The following TMPRSS7 variants were observed in gnomAD, a reference collection of about 807,000 sequenced individuals.
TMPRSS7 encodes the protein transmembrane serine protease 7.
Under a neutral mutation model 95.6 loss-of-function variants are expected in TMPRSS7, and 81 were observed. That is an observed-to-expected ratio of 0.85 (90% confidence interval 0.71 to 1.02). TMPRSS7 has a LOEUF of 1.02. Among genes scored for constraint, TMPRSS7 ranks in the 50% least tolerant of loss-of-function variants. The probability of loss-of-function intolerance (pLI) is 0.00; values close to 1 mark genes in which losing one functional copy is unlikely to be tolerated. For synonymous variants in TMPRSS7, 364 were observed against 337.8 expected (o/e 1.08, Z -0.85); for missense variants, 945 against 955.2 (o/e 0.99, Z 0.14).
intron 15 of TMPRSS7, among the ~76,000 whole-genome samples, chr3:112,076,188 G>A (rs1305069733): frequency 2.0e-5 from 3 of 152,118 alleles, no homozygotes; most frequent in African/African-American, 7.2e-5. Flanking sequence ...AAATTTTGGG[G>A]CTTCCTCATT....
chr3:112,056,111 T>G (rs1345305338), intron 9 of TMPRSS7, among the ~76,000 whole-genome samples: 2 of 152,208 alleles, frequency 1.3e-5, no homozygotes, highest in Non-Finnish European at 2.9e-5. Context: ...GTCTCTTCAT[T>G]CATGACAGAG....
At chr3:112,037,814 G>A (rs902775879) in intron 1 of TMPRSS7, among the ~76,000 whole-genome samples, 7 of 152,076 alleles carry the variant, frequency 4.6e-5, no homozygotes, top group African/African-American at 1.2e-4. Flanking sequence ...TTGAAATATC[G>A]GGGGCTGGTT....
exon 4 of TMPRSS7, chr3:112,044,257 A>C: frequency 6.5e-7 from 1 of 1,549,076 alleles, no homozygotes; most frequent in African/African-American, 1.4e-5. Context: ...TTTTTCAGAT[A>C]AACCTGGTTT....
chr3:112,057,705 G>A (rs2073449013), intron 10 of TMPRSS7, among the ~76,000 whole-genome samples: 1 of 152,038 alleles, frequency 6.6e-6, no homozygotes, highest in Admixed American at 6.6e-5. Flanking sequence ...GAATTAAATA[G>A]TTTTGTTTTT....
exon 2 of TMPRSS7, chr3:112,038,195 G>A (rs1170062276): frequency 2.8e-6 from 2 of 702,800 alleles, no homozygotes; most frequent in South Asian, 1.5e-5. Flanking sequence ...CATTGGCAAA[G>A]CCAAACCCAA....
intron 13 of TMPRSS7, among the ~76,000 whole-genome samples, chr3:112,071,120 A>G (rs1324595305): frequency 6.6e-6 from 1 of 151,984 alleles, no homozygotes; most frequent in Non-Finnish European, 1.5e-5. Flanking sequence ...TTCCTTCAGG[A>G]GCTCTTGTAA....
At chr3:112,041,923 A>G in exon 3 of TMPRSS7, 2 of 1,539,638 alleles carry the variant, frequency 1.3e-6, no homozygotes, top group Non-Finnish European at 1.8e-6. Flanking sequence ...TTTACAGGTA[A>G]AACAGAAAGC....
At chr3:112,056,191 A>G (rs1379180378) in intron 9 of TMPRSS7, among the ~76,000 whole-genome samples, 1 of 152,240 alleles carries the variant, frequency 6.6e-6, no homozygotes, top group East Asian at 1.9e-4. Context: ...GTTTCATATT[A>G]TAGATATGCA....
intron 9 of TMPRSS7, among the ~76,000 whole-genome samples, chr3:112,052,059 G>A (rs1373291510): frequency 2.0e-5 from 3 of 151,926 alleles, no homozygotes; most frequent in African/African-American, 4.8e-5. Flanking sequence ...GTAGGGGAAG[G>A]CAAGTAATAA....
chr3:112,062,901 G>C (rs1419188719), intron 11 of TMPRSS7, among the ~76,000 whole-genome samples: 1 of 152,128 alleles, frequency 6.6e-6, no homozygotes, highest in Non-Finnish European at 1.5e-5. Context: ...AATGAATCTT[G>C]AATCAGGGAA....
At chr3:112,067,821 G>A (rs1444091350) in intron 13 of TMPRSS7, among the ~76,000 whole-genome samples, 1 of 152,204 alleles carries the variant, frequency 6.6e-6, no homozygotes, top group Non-Finnish European at 1.5e-5. Flanking sequence ...CCATGCAGAA[G>A]CTCTTTAGTT....
intron 10 of TMPRSS7, among the ~76,000 whole-genome samples, chr3:112,060,800 G>C (rs2073493644): frequency 6.6e-6 from 1 of 152,154 alleles, no homozygotes; most frequent in Non-Finnish European, 1.5e-5. Context: ...TTAAAGTAAA[G>C]ACAGGTGTAG....
At chr3:112,072,593 C>CAGTAA (rs985629668) in intron 13 of TMPRSS7, among the ~76,000 whole-genome samples, 4 of 152,242 alleles carry the variant, frequency 2.6e-5, no homozygotes, top group Non-Finnish European at 5.9e-5. Flanking sequence ...TCTATAGGGG[C>CAGTAA]AGTAGGCCTT....
chr3:112,070,523 G>T (rs941842929), intron 13 of TMPRSS7, among the ~76,000 whole-genome samples: 5 of 152,172 alleles, frequency 3.3e-5, no homozygotes, highest in African/African-American at 1.2e-4. Context: ...TGTATTGGGT[G>T]CATATATATT....
intron 13 of TMPRSS7, among the ~76,000 whole-genome samples, chr3:112,067,956 G>A (rs888351806): frequency 6.6e-6 from 1 of 152,114 alleles, no homozygotes; most frequent in African/African-American, 2.4e-5. Flanking sequence ...GGGACTTTAT[G>A]GTTTTAGGTC....
chr3:112,063,503 T>C, intron 11 of TMPRSS7, 22 bp from the exon 12 acceptor site: 1 of 1,591,922 alleles, frequency 6.3e-7, no homozygotes, highest in South Asian at 1.1e-5. Context: ...TTTTCTATTT[T>C]TTGATTTTTT....
At chr3:112,039,203 C>T (rs939258691) in intron 2 of TMPRSS7, among the ~76,000 whole-genome samples, 7 of 152,166 alleles carry the variant, frequency 4.6e-5, no homozygotes, top group Admixed American at 1.3e-4. Context: ...TGACTTGTAT[C>T]GGAGTTGCCA....
intron 2 of TMPRSS7, among the ~76,000 whole-genome samples, chr3:112,040,139 A>G (rs768825135): frequency 1.3e-4 from 20 of 152,124 alleles, no homozygotes; most frequent in Non-Finnish European, 2.5e-4. Flanking sequence ...GGAAGGGAAG[A>G]CTTTCAGGCA....
At chr3:112,051,666 A>G (rs1212336243) in intron 9 of TMPRSS7, among the ~76,000 whole-genome samples, 41 of 91,430 alleles carry the variant, frequency 4.5e-4, no homozygotes, top group Non-Finnish European at 4.7e-4. Flanking sequence ...CTATCTATCT[A>G]TCATCTATCT....
Sources: gnomAD v4.1 joint callset for allele counts (sites outside exome capture counted in the v4.1 genomes callset) on GRCh38, gnomAD v4.1.1 for gene constraint, MANE v1.5 for transcripts, NCBI Gene and HGNC (gene_info 2026-07-23, HGNC 2026-07-21) for gene names.